The following DEAF1 variants were observed in gnomAD, a reference collection of about 807,000 sequenced individuals.
The protein encoded by DEAF1 is DEAF1 transcription factor.
Under a neutral mutation model 58.9 loss-of-function variants are expected in DEAF1, and 53 were observed. The ratio of observed to expected loss-of-function variants is 0.90; its 90% CI spans 0.72 to 1.13. DEAF1 has a LOEUF of 1.13. Ranked by LOEUF, DEAF1 falls within the 50% of genes most tolerant of loss-of-function variation. The pLI, the probability that DEAF1 is intolerant of heterozygous loss-of-function variation, is 0.00. For synonymous variants in DEAF1, 385 were observed against 340.4 expected (o/e 1.13, Z -1.44); for missense variants, 685 against 791.4 (o/e 0.87, Z 1.61).
intron 1 of DEAF1, among the ~76,000 whole-genome samples, chr11:691,932 G>T (rs1224433527): frequency 6.6e-6 from 1 of 152,188 alleles, no homozygotes; most frequent in Non-Finnish European, 1.5e-5. Flanking sequence ...CGGCACAGCT[G>T]TGGGTTCTGC....
chr11:695,098 G>GC lies in DEAF1; in HGVS notation c.-52dup. On this transcript the variant is annotated 5_prime_UTR_variant, in exon 1 of 12. Coordinates refer to ENST00000382409, the MANE Select transcript of DEAF1 (RefSeq NM_021008.4). The stretch of plus-strand genomic sequence containing the variant: ...GGCGCCGTCCGGGACCGCCCGAAGC[G>GC]CCGGTCGCGGAGCCCGAAGCGGGGC... The GC allele has an allele frequency of 7.2e-7, 1 of 1,393,552 alleles. No homozygotes were observed. The highest frequency in any genetic ancestry group is 9.3e-7 in the Non-Finnish European group (1 of 1,074,780). The allele number at this position is 1,393,552 out of a possible 1,614,324, so 86.3% of individuals were successfully genotyped here.
intron 9 of DEAF1, among the ~76,000 whole-genome samples, chr11:675,876 G>A (rs1346289984): frequency 3.3e-5 from 5 of 151,558 alleles, no homozygotes; most frequent in Admixed American, 3.3e-4. Flanking sequence ...GTAAAAAACT[G>A]ACCAGCAAAC....
chr11:694,865 C>T lies in DEAF1; in HGVS notation c.183G>A (p.Pro61=), dbSNP rs1330352283. Residue 61 remains proline (P), a synonymous_variant, in exon 1 of 12, where the codon CCG becomes CCA. Transcript: ENST00000382409. ...CCATCACCGCCACTGCCGTGACCCG[C>T]GGCGTCTCCCGCTCCGCCTCCGAGT... The part of the protein sequence containing the change: ...DADSEAERET[P]RVTAVAVMAA... 6 of 1,498,188 alleles carry T rather than the reference C, an allele frequency of 4.0e-6. No homozygotes were observed. The highest frequency in any genetic ancestry group is 4.4e-6 in the Non-Finnish European group (5 of 1,128,496). The allele number at this position is 1,498,188 out of a possible 1,614,324, so 92.8% of individuals were successfully genotyped here.
chr11:686,816 T>TCTGAACTGTGTG, intron 5 of DEAF1, 42 bp downstream of exon 5: 4 of 1,613,112 alleles, frequency 2.5e-6, no homozygotes, highest in Non-Finnish European at 3.4e-6. Flanking sequence ...GGGCCCCACG[T>TCTGAACTGTGTG]CTGAACTGTG....
chr11:657,072 G>A (rs1370382845), intron 10 of DEAF1, among the ~76,000 whole-genome samples: 1 of 152,102 alleles, frequency 6.6e-6, no homozygotes, highest in East Asian at 1.9e-4. Context: ...CTCTGCAGCT[G>A]AGGGCCTCCA....
chr11:672,485 T>C (rs954729234), intron 10 of DEAF1, among the ~76,000 whole-genome samples: 4 of 152,258 alleles, frequency 2.6e-5, no homozygotes, highest in Non-Finnish European at 4.4e-5. Context: ...CTGTTCGTTA[T>C]GTGCTTGTCT....
At chr11:700,930 CTG>C (rs1381168848) in intron 1 of DEAF1, 6 of 589,974 alleles carry the variant, frequency 1.0e-5, no homozygotes, top group African/African-American at 1.9e-5. Flanking sequence ...GGGAGAGACT[CTG>C]TGTTTGGAAG....
chr11:691,390 C>A, intron 2 of DEAF1, 111 bp downstream of exon 2: 1 of 1,002,600 alleles, frequency 1.0e-6, no homozygotes, highest in Non-Finnish European at 1.5e-6. Context: ...CTCCCCAGCT[C>A]ACAGAGCAGA....
chr11:689,202 C>CTTTTTTTTTTTTTT (rs34046317), intron 2 of DEAF1, among the ~76,000 whole-genome samples: 44 of 94,170 alleles, frequency 4.7e-4, no homozygotes, highest in Non-Finnish European at 6.0e-4. Flanking sequence ...TTTTCTTTTT[C>CTTTTTTTTTTTTTT]TTTTTTTTTT....
intron 1 of DEAF1, chr11:706,256 G>A (rs1048394925): frequency 6.6e-6 from 1 of 152,058 alleles, no homozygotes; most frequent in Non-Finnish European, 1.5e-5. Flanking sequence ...CGAGCGCCGA[G>A]GGGACAGGCC....
chr11:654,817 C>T (rs1589976167), intron 10 of DEAF1, among the ~76,000 whole-genome samples: 1 of 151,220 alleles, frequency 6.6e-6, no homozygotes, highest in Admixed American at 6.6e-5. Context: ...TGCAGTGAAC[C>T]GAGATTGCAC....
intron 9 of DEAF1, chr11:678,215 A>G (rs1457276188): frequency 5.1e-6 from 1 of 194,358 alleles, no homozygotes; most frequent in Admixed American, 5.4e-5. Context: ...TCTCAAAAAA[A>G]TAGAAGTGCA....
In DEAF1 at chr11:644,588, G is replaced by A. The variant is rs1053683350; in HGVS notation, c.1660C>T (p.His554Tyr). The change falls in exon 12 of 12, where the codon CAC (histidine) becomes TAC (tyrosine). Residue 554 changes from histidine to tyrosine, a missense_variant. Transcript: ENST00000382409. The surrounding 1 kb of genome is among the most constrained non-coding windows in gnomAD (Gnocchi z 4.3). ...AAVTVQADEV[H>Y]VAESVMEKVT... is the part of the protein sequence containing the mutation. ...TTCTCCATCACGCTTTCAGCCACGT[G>A]GACTTCGTCTGCCTGGACGGTGACA... The A allele has an allele frequency of 3.7e-6, 6 of 1,613,072 alleles. No homozygotes were observed. Among genetic ancestry groups the A allele is most frequent in the Non-Finnish European group, 5.1e-6 (6 of 1,179,990 alleles).
At position 687,774 on chromosome 11, in the gene DEAF1, G is replaced by A. The variant is rs987003557; in HGVS notation, c.664+137C>T. The A allele has an allele frequency of 8.0e-6, 9 of 1,128,016 alleles. No homozygotes were observed. In the East Asian group the frequency reaches 1.7e-4, roughly 22 times the overall value. 69.9% of individuals were successfully genotyped at this position (1,128,016 alleles called of 1,614,324 possible). On this transcript the variant is annotated intron_variant, in intron 4 of 11. Transcript: ENST00000382409. ...GCTTCCCAAAGTGCTGGTATTACAG[G>A]CATCAGCCACCGCGCCCAGCCCTGT... is the stretch of plus-strand genomic sequence containing the variant.
chr11:658,699 G>A (rs1859181459), intron 10 of DEAF1, among the ~76,000 whole-genome samples: 1 of 152,262 alleles, frequency 6.6e-6, no homozygotes, highest in African/African-American at 2.4e-5. Context: ...GGGCAGAGGA[G>A]GAGACTGCAG....
At chr11:686,291 C>CAAA (rs780059988) in intron 5 of DEAF1, among the ~76,000 whole-genome samples, 17 of 100,164 alleles carry the variant, frequency 1.7e-4, no homozygotes, top group East Asian at 7.9e-4. Flanking sequence ...GACTCTGTCT[C>CAAA]AAAAAAAAAA....
At chr11:703,422 C>G in intron 1 of DEAF1, 1 of 1,310,686 alleles carries the variant, frequency 7.6e-7, no homozygotes, top group Non-Finnish European at 9.7e-7. Flanking sequence ...GCACACTCAG[C>G]CCTGTCAGTG....
Position 644,448 on chromosome 11 carries a change from C to T in DEAF1, c.*102G>A, listed in dbSNP as rs747929523. On this transcript the variant is annotated 3_prime_UTR_variant, in exon 12 of 12. Coordinates refer to ENST00000382409, the MANE Select transcript of DEAF1 (RefSeq NM_021008.4). This position sits in a 1 kb window ranked among gnomAD's most constrained non-coding sequence, Gnocchi z 4.3. ...GCAAGTTTCTTTACCTTCCCACACC[C>T]CTCTTCTCAACGTCCCCCCAGAGTC... 1.7e-5 allele frequency: 14 copies of T among 846,366 alleles called. No homozygotes were observed. Among genetic ancestry groups the T allele is most frequent in the Non-Finnish European group, 2.7e-5 (14 of 515,174 alleles). 52.4% of individuals were successfully genotyped at this position (846,366 alleles called of 1,614,324 possible). A position where few individuals can be genotyped will look rare whatever the true frequency, so the allele number is the denominator to read the frequency against.
chr11:690,473 G>A (rs913870160), intron 2 of DEAF1, among the ~76,000 whole-genome samples: 3 of 151,926 alleles, frequency 2.0e-5, no homozygotes, highest in Admixed American at 6.6e-5. Context: ...GGCCGGGTGT[G>A]GTGGCTCACA....
Sources: allele counts gnomAD v4.1 joint callset (sites outside exome capture counted in the v4.1 genomes callset), GRCh38; gene constraint gnomAD v4.1.1; non-coding constraint Gnocchi (gnomAD v3.1); transcripts MANE v1.5; gene names NCBI Gene and HGNC (gene_info 2026-07-23, HGNC 2026-07-21).